PPM1L: variants seen among roughly 807,000 people sequenced by gnomAD.
PPM1L encodes the protein protein phosphatase 1L.
In PPM1L, 13 loss-of-function variants were observed where a neutral mutation model predicts 31.4. The ratio of observed to expected loss-of-function variants is 0.41; its 90% CI spans 0.27 to 0.66. PPM1L has a LOEUF of 0.66. Ranked by LOEUF, PPM1L falls within the 30% of genes least tolerant of loss-of-function variation. The pLI, the probability that PPM1L is intolerant of heterozygous loss-of-function variation, is 0.29. For synonymous variants in PPM1L, 184 were observed against 175.4 expected, an observed-to-expected ratio of 1.05 and a Z score of -0.39; for missense variants, 326 against 453.7, an observed-to-expected ratio of 0.72 and a Z score of 2.56.
intron 1 of PPM1L, among the ~76,000 whole-genome samples, chr3:160,802,838 G>A (rs532444501): frequency 1.3e-5 from 2 of 152,248 alleles, no homozygotes; most frequent in East Asian, 3.9e-4. Flanking sequence ...GGCAAATACA[G>A]TGTTTTGGTG....
At chr3:161,041,934 G>T (rs1718922143) in intron 2 of PPM1L, among the ~76,000 whole-genome samples, 1 of 152,100 alleles carries the variant, frequency 6.6e-6, no homozygotes, top group African/African-American at 2.4e-5. Flanking sequence ...CATCATCATT[G>T]TTAAAAAATA....
In PPM1L at chr3:160,866,059, A is replaced by G. The variant is rs575259373; in HGVS notation, c.400-95677A>G. On this transcript the variant is annotated intron_variant, in intron 1 of 3. Transcript: ENST00000498165. ...AAGTTGACAACTGACCTTACTCAGT[A>G]AGGCCTCTTAGGTTATCCTGGACCA... 6.6e-5 allele frequency among the ~76,000 whole-genome samples: 10 copies of G among 152,298 alleles called. No individual in the cohort carries two copies. In the East Asian group the frequency reaches 1.9e-3, roughly 29 times the overall value.
chr3:160,832,265 GGGA>G, intron 1 of PPM1L, among the ~76,000 whole-genome samples: 1 of 152,194 alleles, frequency 6.6e-6, no homozygotes, highest in Admixed American at 6.5e-5. Context: ...TGGTGGGATG[GGGA>G]ACTCAGGCCA....
At chr3:161,034,232 A>G (rs925131857) in intron 2 of PPM1L, among the ~76,000 whole-genome samples, 1 of 152,228 alleles carries the variant, frequency 6.6e-6, no homozygotes, top group Non-Finnish European at 1.5e-5. Context: ...GAACACTTTT[A>G]CACTGTTGGT....
At chr3:160,979,436 G>T (rs1009417952) in intron 2 of PPM1L, among the ~76,000 whole-genome samples, 4 of 151,992 alleles carry the variant, frequency 2.6e-5, no homozygotes, top group Non-Finnish European at 5.9e-5. Flanking sequence ...GATATGGGAA[G>T]AAACCAGAGT....
In PPM1L at chr3:160,961,833, A is replaced by T; in HGVS notation, c.497A>T (p.Gln166Leu). The change falls in exon 2 of 4, where the codon CAG becomes CTG. Residue 166 changes from glutamine (Q) to leucine (L), a missense_variant. Coordinates refer to ENST00000498165, the MANE Select transcript of PPM1L (RefSeq NM_139245.4). ...KDKENSVLSYQTILEQQILSI... is the reference protein window; with the variant it reads ...KDKENSVLSYLTILEQQILSI... Reference sequence around the variant, plus strand: ...AAAGAAAATAGTGTATTATCTTACCAGACCATCCTTGAACAGCAGATTTTG... The same window carrying T: ...AAAGAAAATAGTGTATTATCTTACCTGACCATCCTTGAACAGCAGATTTTG... 6.2e-7 allele frequency: 1 copy of T among 1,602,128 alleles called. No individual in the cohort carries two copies. The highest frequency in any genetic ancestry group is 2.3e-5 in the East Asian group (1 of 44,136).
At chr3:160,914,045 C>G (rs1363036275) in intron 1 of PPM1L, among the ~76,000 whole-genome samples, 1 of 152,086 alleles carries the variant, frequency 6.6e-6, no homozygotes, top group African/African-American at 2.4e-5. Flanking sequence ...TTTCTTATTC[C>G]TACCAGTAGT....
intron 1 of PPM1L, among the ~76,000 whole-genome samples, chr3:160,930,021 C>T (rs955710697): frequency 6.6e-6 from 1 of 152,202 alleles, no homozygotes; most frequent in Non-Finnish European, 1.5e-5. Flanking sequence ...ATCACTCATC[C>T]CTCTGTGTTA....
chr3:160,867,124 T>C (rs1712119392), intron 1 of PPM1L, among the ~76,000 whole-genome samples: 1 of 152,132 alleles, frequency 6.6e-6, no homozygotes, highest in Non-Finnish European at 1.5e-5. Flanking sequence ...CTGTATATAT[T>C]CTTAGAATCA....
intron 2 of PPM1L, among the ~76,000 whole-genome samples, chr3:161,003,768 A>G (rs1187255056): frequency 1.3e-5 from 2 of 152,084 alleles, no homozygotes; most frequent in East Asian, 3.9e-4. Flanking sequence ...CTAGATATAC[A>G]ATCATGTCGT....
rs114852985 is a variant in PPM1L at position 160,982,058 on chromosome 3, G to A, written c.574+20148G>A. Among the ~76,000 whole-genome samples the A allele has an allele frequency of 2.2e-3, 331 of 152,228 alleles. 1 individual carries two copies. The highest frequency in any genetic ancestry group is 7.7e-3 in the African/African-American group (319 of 41,540). On this transcript the variant is annotated intron_variant, in intron 2 of 3. Transcript: ENST00000498165. ...TGGGATTACAGGCATAAGCCACTGC[G>A]CTTGGCCCCCTCTCGTTTTCTAATC...
At chr3:160,920,442 G>T (rs1413066496) in intron 1 of PPM1L, among the ~76,000 whole-genome samples, 1 of 151,994 alleles carries the variant, frequency 6.6e-6, no homozygotes, top group Non-Finnish European at 1.5e-5. Flanking sequence ...AAAACCTGAA[G>T]ACCACCAAAG....
chr3:160,977,049 G>T (rs915646460), intron 2 of PPM1L, among the ~76,000 whole-genome samples: 4 of 152,006 alleles, frequency 2.6e-5, no homozygotes, highest in Admixed American at 2.6e-4. Context: ...CTTTGAATGC[G>T]TCCCAGAGAT....
chr3:160,800,059 A>C (rs748823666), intron 1 of PPM1L, among the ~76,000 whole-genome samples: 1 of 152,124 alleles, frequency 6.6e-6, no homozygotes, highest in Non-Finnish European at 1.5e-5. Flanking sequence ...AGTATTTTTT[A>C]TTCATGCCAC....
chr3:160,858,461 G>T (rs952128422), intron 1 of PPM1L, among the ~76,000 whole-genome samples: 1 of 152,120 alleles, frequency 6.6e-6, no homozygotes, highest in Non-Finnish European at 1.5e-5. Context: ...TGGTCAGGCT[G>T]GTCCTGAACT....
intron 1 of PPM1L, among the ~76,000 whole-genome samples, chr3:160,773,949 G>T (rs190359307): frequency 1.3e-5 from 2 of 152,148 alleles, no homozygotes; most frequent in Non-Finnish European, 2.9e-5. Flanking sequence ...TTCAAGAAGG[G>T]CTGTGCTCAG....
At chr3:160,999,257 G>A (rs1717411186) in intron 2 of PPM1L, among the ~76,000 whole-genome samples, 1 of 152,096 alleles carries the variant, frequency 6.6e-6, no homozygotes, top group Non-Finnish European at 1.5e-5. Flanking sequence ...CTTGCTCAAG[G>A]ACACAGTACT....
At position 160,837,610 on chromosome 3, in the gene PPM1L, G is replaced by A. The variant is rs147853424; in HGVS notation, c.399+80903G>A. On this transcript the variant is annotated intron_variant, in intron 1 of 3. Coordinates refer to ENST00000498165, the MANE Select transcript of PPM1L (RefSeq NM_139245.4). ...GCTATGCTGTACATCTTGTCAGGAA[G>A]GCCAGCCTTTGTGTCTGCGGGAGGA... 5.8e-4 allele frequency among the ~76,000 whole-genome samples: 89 copies of A among 152,302 alleles called. 1 individual carries two copies. In the East Asian group the frequency reaches 0.014, roughly 24 times the overall value.
intron 1 of PPM1L, among the ~76,000 whole-genome samples, chr3:160,789,775 G>A (rs200401021): frequency 2.0e-5 from 3 of 151,222 alleles, no homozygotes; most frequent in South Asian, 2.1e-4. Context: ...TTCTGATATC[G>A]AACCATCTTT....
Sources: gnomAD v4.1 joint callset for allele counts (sites outside exome capture counted in the v4.1 genomes callset) on GRCh38, gnomAD v4.1.1 for gene constraint, MANE v1.5 for transcripts, NCBI Gene and HGNC (gene_info 2026-07-23, HGNC 2026-07-21) for gene names.